UNC5D: variants seen among roughly 807,000 people sequenced by gnomAD.
UNC5D encodes the protein netrin receptor UNC5D.
Under a neutral mutation model 105.4 loss-of-function variants are expected in UNC5D, and 39 were observed. The ratio of observed to expected loss-of-function variants is 0.37; its 90% CI spans 0.29 to 0.48. UNC5D has a LOEUF of 0.48. Among genes scored for constraint, UNC5D ranks in the 20% least tolerant of loss-of-function variants. The pLI is 0.98. For synonymous variants in UNC5D, 452 were observed against 450.4 expected, an observed-to-expected ratio of 1.00 and a Z score of -0.04; for missense variants, 991 against 1,202.4, an observed-to-expected ratio of 0.82 and a Z score of 2.60.
In UNC5D at chr8:35,765,501, A is replaced by G. The variant is rs570445220; in HGVS notation, c.2314-1401A>G. On this transcript the variant is annotated intron_variant, in intron 14 of 16. Transcript: ENST00000404895. The stretch of plus-strand genomic sequence containing the variant: ...GCTAAGATGCATGGTAGAATATTTG[A>G]TTTTATTATTTCATACTCCCTTAAA... 2.6e-5 allele frequency among the ~76,000 whole-genome samples: 4 copies of G among 152,256 alleles called. No individual in the cohort carries two copies. The South Asian group carries it at 8.3e-4, about 32-fold the overall frequency.
At chr8:35,261,607 T>C (rs1307155734) in intron 1 of UNC5D, among the ~76,000 whole-genome samples, 1 of 147,066 alleles carries the variant, frequency 6.8e-6, no homozygotes, top group Admixed American at 6.9e-5. Context: ...AAATACAACC[T>C]GGCTTTGAAA....
intron 13 of UNC5D, among the ~76,000 whole-genome samples, chr8:35,758,516 T>C (rs1039055384): frequency 6.6e-6 from 1 of 152,192 alleles, no homozygotes; most frequent in Non-Finnish European, 1.5e-5. Flanking sequence ...CCCCGCACAA[T>C]CATTTAGCAC....
intron 7 of UNC5D, among the ~76,000 whole-genome samples, chr8:35,692,259 T>C (rs1826458086): frequency 6.6e-6 from 1 of 152,212 alleles, no homozygotes; most frequent in Non-Finnish European, 1.5e-5. Context: ...TCTAACCACA[T>C]TGTCTATTCA....
intron 4 of UNC5D, among the ~76,000 whole-genome samples, chr8:35,603,059 G>A (rs1423082285): frequency 6.6e-6 from 1 of 152,014 alleles, no homozygotes; most frequent in African/African-American, 2.4e-5. Context: ...GTTCTGCTCT[G>A]ATCTTAGTTA....
At chr8:35,582,314 T>G (rs1818514028) in intron 3 of UNC5D, among the ~76,000 whole-genome samples, 1 of 152,242 alleles carries the variant, frequency 6.6e-6, no homozygotes. Context: ...ATCTTCCTGA[T>G]GCAGTGGTTG....
intron 4 of UNC5D, among the ~76,000 whole-genome samples, chr8:35,666,647 G>A (rs1044105408): frequency 6.6e-5 from 10 of 152,052 alleles, no homozygotes; most frequent in African/African-American, 2.2e-4. Flanking sequence ...GATGAGAAAC[G>A]TAAACACCCT....
intron 1 of UNC5D, chr8:35,254,774 T>A (rs535335137): frequency 2.0e-5 from 3 of 152,234 alleles, no homozygotes; most frequent in Non-Finnish European, 4.4e-5. Context: ...TTAGTTCTTT[T>A]TTATGGTATC....
intron 1 of UNC5D, among the ~76,000 whole-genome samples, chr8:35,246,233 T>G (rs1803088927): frequency 6.6e-6 from 1 of 152,138 alleles, no homozygotes; most frequent in Non-Finnish European, 1.5e-5. Flanking sequence ...TTCACATTAT[T>G]TTTTTATCAT....
intron 1 of UNC5D, among the ~76,000 whole-genome samples, chr8:35,430,954 A>T (rs1416053279): frequency 6.6e-6 from 1 of 152,192 alleles, no homozygotes; most frequent in Non-Finnish European, 1.5e-5. Flanking sequence ...TAGAATGTTG[A>T]ACATTGTGAT....
intron 4 of UNC5D, among the ~76,000 whole-genome samples, chr8:35,635,555 C>T (rs1260659598): frequency 1.3e-5 from 2 of 152,080 alleles, no homozygotes; most frequent in Admixed American, 1.3e-4. Flanking sequence ...AATGCTCCTT[C>T]GTTGTAAGAA....
At chr8:35,301,721 G>A (rs1049085113) in intron 1 of UNC5D, among the ~76,000 whole-genome samples, 3 of 152,122 alleles carry the variant, frequency 2.0e-5, no homozygotes, top group Non-Finnish European at 2.9e-5. Flanking sequence ...ACATAGGAAC[G>A]TTAAGTACAG....
chr8:35,380,222 GGA>G (rs1319752379), intron 1 of UNC5D, among the ~76,000 whole-genome samples: 8 of 132,242 alleles, frequency 6.0e-5, no homozygotes, highest in Non-Finnish European at 1.3e-4. Context: ...AGAGAGAGAG[GGA>G]GAGAGAGAGA....
At chr8:35,621,193 A>G (rs1821340738) in intron 4 of UNC5D, among the ~76,000 whole-genome samples, 1 of 152,166 alleles carries the variant, frequency 6.6e-6, no homozygotes, top group Admixed American at 6.5e-5. Flanking sequence ...GATGCTCTCT[A>G]CAGCACCTCA....
At position 35,336,648 on chromosome 8, in the gene UNC5D, G is replaced by C. The variant is rs184876244; in HGVS notation, c.103+100761G>C. ...GAGCTGAGCTGCTCCCTCCCTCCAA[G>C]TCTGCTTGAAAGTAGCCTGCCTAAG... is the stretch of plus-strand genomic sequence containing the variant. On this transcript the variant is annotated intron_variant, in intron 1 of 16. Transcript: ENST00000404895. Among the ~76,000 whole-genome samples the C allele has an allele frequency of 1.0e-3, 152 of 152,188 alleles. 1 individual carries two copies. The highest frequency in any genetic ancestry group is 5.0e-4 in the Non-Finnish European group (34 of 68,022).
intron 10 of UNC5D, chr8:35,726,734 A>G (rs1828901768): frequency 1.4e-6 from 1 of 731,694 alleles, no homozygotes; most frequent in African/African-American, 1.8e-5. Context: ...CTCAGCATGG[A>G]TTGAATGCTC....
chr8:35,380,204 AGAGAGAGAGAGAGAGAGG>A (rs1445790527), intron 1 of UNC5D, among the ~76,000 whole-genome samples: 2 of 148,986 alleles, frequency 1.3e-5, no homozygotes, highest in Non-Finnish European at 3.0e-5. Context: ...AGAGGGAGAG[AGAGAGAGAGAGAGAGAGG>A]GAGAGAGAGA....
At chr8:35,618,178 G>A (rs1292336726) in intron 4 of UNC5D, among the ~76,000 whole-genome samples, 1 of 152,186 alleles carries the variant, frequency 6.6e-6, no homozygotes. Flanking sequence ...GACAAGAGCA[G>A]TCACTCTAGT....
intron 1 of UNC5D, among the ~76,000 whole-genome samples, chr8:35,285,438 A>G (rs1534587): frequency 0.35 from 53,952 of 152,054 alleles, 10,754 homozygotes; most frequent in Middle Eastern, 0.45. Flanking sequence ...GAAGCTTTGC[A>G]TAAGTTCAAT....
intron 4 of UNC5D, among the ~76,000 whole-genome samples, chr8:35,678,449 G>C (rs892731054): frequency 2.0e-5 from 3 of 152,072 alleles, no homozygotes; most frequent in Non-Finnish European, 4.4e-5. Flanking sequence ...TTAAGCTAAA[G>C]TAATTTGTTT....
Sources: gnomAD v4.1 joint callset for allele counts (sites outside exome capture counted in the v4.1 genomes callset) on GRCh38, gnomAD v4.1.1 for gene constraint, MANE v1.5 for transcripts, NCBI Gene and HGNC (gene_info 2026-07-23, HGNC 2026-07-21) for gene names.